PTPN2: variants seen among roughly 807,000 people sequenced by gnomAD.
PTPN2 encodes the protein tyrosine-protein phosphatase non-receptor type 2.
In PTPN2, 19 loss-of-function variants were observed where a neutral mutation model predicts 57.3. The observed-to-expected ratio is 0.33, with a 90% CI of 0.23 to 0.49. PTPN2 has a LOEUF of 0.49. Among genes scored for constraint, PTPN2 ranks in the 20% least tolerant of loss-of-function variants. The pLI is 0.99. For synonymous variants in PTPN2, 153 were observed against 164.9 expected (o/e 0.93, Z 0.55); for missense variants, 358 against 501.1 (o/e 0.71, Z 2.73).
chr18:12,855,628 T>C (rs183208295), intron 2 of PTPN2, among the ~76,000 whole-genome samples: 1 of 152,232 alleles, frequency 6.6e-6, no homozygotes, highest in East Asian at 1.9e-4. Context: ...AGAGATAATT[T>C]ACTCGGTGCA....
At chr18:12,875,780 G>A (rs184429026) in intron 1 of PTPN2, among the ~76,000 whole-genome samples, 32 of 152,338 alleles carry the variant, frequency 2.1e-4, no homozygotes, top group Admixed American at 1.8e-3. Context: ...AAGGGAAGAA[G>A]GGGAGTAGAG....
rs1598898028 is a variant in PTPN2, at chr18:12,875,140, A to C, written c.69+8933T>G. Among the ~76,000 whole-genome samples, 5 of 152,200 alleles carry C rather than the reference A, an allele frequency of 3.3e-5. No homozygotes were observed. In the South Asian group the frequency reaches 1.0e-3, roughly 32 times the overall value. ...TCGTTAACAGTCATCACCACTCCCT[A>C]ATCTCAAGTACCCAGGGACACAAAC... On this transcript the variant is annotated intron_variant, in intron 1 of 8. Coordinates refer to ENST00000309660, the MANE Select transcript of PTPN2 (RefSeq NM_002828.4).
intron 3 of PTPN2, among the ~76,000 whole-genome samples, chr18:12,835,382 C>CTTTCTTTTTTTTTTTTTTTTTTTTTTTT (rs2042821259): frequency 7.1e-5 from 7 of 99,018 alleles, no homozygotes; most frequent in African/African-American, 2.9e-4. Context: ...TCACATATGT[C>CTTTCTTTTTTTTTTTTTTTTTTTTTTTT]TTTTTTTTTT....
chr18:12,817,060 T>C (rs2042101183), intron 6 of PTPN2, 96 bp downstream of exon 6: 5 of 1,203,830 alleles, frequency 4.2e-6, no homozygotes, highest in Non-Finnish European at 5.9e-6. Flanking sequence ...AAAACCTCAG[T>C]TCTGGGATAC....
At chr18:12,825,105 C>T (rs2042402740) in intron 5 of PTPN2, among the ~76,000 whole-genome samples, 1 of 151,888 alleles carries the variant, frequency 6.6e-6, no homozygotes, top group African/African-American at 2.4e-5. Context: ...ATCAACCAAC[C>T]AACCAACCAA....
At chr18:12,819,715 G>A (rs912333241) in intron 5 of PTPN2, among the ~76,000 whole-genome samples, 1 of 151,048 alleles carries the variant, frequency 6.6e-6, no homozygotes, top group Non-Finnish European at 1.5e-5. Flanking sequence ...TCTAAAATAA[G>A]AAGGGTAAAC....
chr18:12,787,777 G>C (rs1158498804), downstream of PTPN2: 2 of 152,144 alleles, frequency 1.3e-5, no homozygotes, highest in African/African-American at 2.4e-5. Flanking sequence ...ATTTAAAAAG[G>C]CAAAGGCAGG....
chr18:12,877,048 A>G (rs1008683883), intron 1 of PTPN2, among the ~76,000 whole-genome samples: 5 of 152,232 alleles, frequency 3.3e-5, no homozygotes, highest in Non-Finnish European at 7.3e-5. Context: ...ACTAGCAGAT[A>G]TTGTAACATC....
chr18:12,871,656 CTGT>C (rs776417880), intron 1 of PTPN2, among the ~76,000 whole-genome samples: 16 of 152,010 alleles, frequency 1.1e-4, no homozygotes, highest in Admixed American at 5.9e-4. Context: ...CTTTTTCACT[CTGT>C]TGATTACAAA....
chr18:12,787,564 TAAC>T (rs2145196568), downstream of PTPN2: 1 of 152,358 alleles, frequency 6.6e-6, no homozygotes. Flanking sequence ...CTATCATTTA[TAAC>T]AACTGAAGGA....
At chr18:12,824,597 T>C (rs932509039) in intron 5 of PTPN2, among the ~76,000 whole-genome samples, 3 of 152,214 alleles carry the variant, frequency 2.0e-5, no homozygotes, top group African/African-American at 4.8e-5. Flanking sequence ...CAGTTTCTAT[T>C]AGCATCTCAG....
chr18:12,880,915 G>A (rs1034388515), intron 1 of PTPN2, among the ~76,000 whole-genome samples: 1 of 152,080 alleles, frequency 6.6e-6, no homozygotes, highest in African/African-American at 2.4e-5. Flanking sequence ...TCAGTGTCTC[G>A]CAGGTACCTC....
intron 7 of PTPN2, among the ~76,000 whole-genome samples, chr18:12,804,384 A>G (rs1173325612): frequency 6.6e-6 from 1 of 151,570 alleles, no homozygotes; most frequent in Non-Finnish European, 1.5e-5. Context: ...ACCCAAAATT[A>G]GCAGAACAAA....
chr18:12,870,134 G>A (rs2044137468), intron 1 of PTPN2, among the ~76,000 whole-genome samples: 1 of 150,280 alleles, frequency 6.7e-6, no homozygotes, highest in South Asian at 2.1e-4. Context: ...TGTCAGGCAT[G>A]TGCTATGTGC....
intron 7 of PTPN2, among the ~76,000 whole-genome samples, chr18:12,810,104 C>A (rs1002885285): frequency 6.6e-6 from 1 of 152,042 alleles, no homozygotes; most frequent in African/African-American, 2.4e-5. Flanking sequence ...ATTGCTTGAA[C>A]CCGGGAGGCC....
chr18:12,814,011 G>T (rs2041981665), intron 7 of PTPN2, among the ~76,000 whole-genome samples, 192 bp downstream of exon 7: 1 of 152,102 alleles, frequency 6.6e-6, no homozygotes. Flanking sequence ...TAACACACAG[G>T]ATTTAACCTG....
chr18:12,797,800 A>T (rs1329027187), intron 8 of PTPN2, among the ~76,000 whole-genome samples: 1 of 152,164 alleles, frequency 6.6e-6, no homozygotes, highest in African/African-American at 2.4e-5. Context: ...TGGCGTGATC[A>T]TAGCTCCCTG....
intron 7 of PTPN2, among the ~76,000 whole-genome samples, chr18:12,803,755 C>T (rs2041515326): frequency 6.6e-6 from 1 of 152,136 alleles, no homozygotes; most frequent in African/African-American, 2.4e-5. Context: ...TAAAGGGAGA[C>T]ATAGACTGCA....
At position 12,792,896 on chromosome 18, in the gene PTPN2, G is replaced by A. The variant is rs181564445; in HGVS notation, c.*1382C>T. Reference sequence around the variant, plus strand: ...ATGAGCCACCGCGCCCGACCAAACTGTTTTTAAATGATAACTGCCCCCTTT... The same window carrying A: ...ATGAGCCACCGCGCCCGACCAAACTATTTTTAAATGATAACTGCCCCCTTT... On this transcript the variant is annotated 3_prime_UTR_variant, in exon 9 of 9. Transcript: ENST00000309660. The A allele has an allele frequency of 1.7e-5, 17 of 982,488 alleles. No individual in the cohort carries two copies. In the Admixed American group the frequency reaches 2.5e-4, roughly 14 times the overall value. The allele number at this position is 982,488 out of a possible 1,614,324, so 60.9% of individuals were successfully genotyped here. A position where few individuals can be genotyped will look rare whatever the true frequency, so the allele number is the denominator to read the frequency against.
Sources: gnomAD v4.1 joint callset for allele counts (sites outside exome capture counted in the v4.1 genomes callset) on GRCh38, gnomAD v4.1.1 for gene constraint, MANE v1.5 for transcripts, NCBI Gene and HGNC (gene_info 2026-07-23, HGNC 2026-07-21) for gene names.